The following MEIKIN variants were observed in gnomAD, a reference collection of about 807,000 sequenced individuals.
MEIKIN encodes meiosis-specific kinetochore protein.
chr5:131,819,765 ATTTTTTTTTTTTTTTTT>A (rs1167213249), intron 11 of MEIKIN, among the ~76,000 whole-genome samples: 1 of 64,576 alleles, frequency 1.5e-5, no homozygotes, highest in Admixed American at 1.9e-4. Flanking sequence ...ACATCCAGCT[ATTTTTTTTTTTTTTTTT>A]TTTTTTTTTT....
At chr5:131,901,605 C>T (rs1172264577) in intron 8 of MEIKIN, among the ~76,000 whole-genome samples, 1 of 152,150 alleles carries the variant, frequency 6.6e-6, no homozygotes, top group African/African-American at 2.4e-5. Context: ...GTGCTGTGAC[C>T]AGCAGTCTGG....
chr5:131,839,861 A>C (rs1408707593), intron 11 of MEIKIN, among the ~76,000 whole-genome samples: 1 of 152,168 alleles, frequency 6.6e-6, no homozygotes, highest in Admixed American at 6.5e-5. Context: ...CAAGGTTCAT[A>C]TTGAAATGTA....
At chr5:131,894,347 T>C (rs1017473381) in intron 8 of MEIKIN, among the ~76,000 whole-genome samples, 2 of 152,214 alleles carry the variant, frequency 1.3e-5, no homozygotes, top group African/African-American at 4.8e-5. Flanking sequence ...CCTCCAGCTT[T>C]GTTCTTTTGG....
intron 8 of MEIKIN, among the ~76,000 whole-genome samples, chr5:131,902,731 C>T (rs1751180174): frequency 6.6e-6 from 1 of 152,150 alleles, no homozygotes; most frequent in African/African-American, 2.4e-5. Context: ...TCTGGCAATT[C>T]AAAAAGCCAG....
At chr5:131,817,108 G>A (rs139631684) in intron 12 of MEIKIN, among the ~76,000 whole-genome samples, 240 of 152,274 alleles carry the variant, frequency 1.6e-3, no homozygotes, top group African/African-American at 5.5e-3. Context: ...CTTCTGGAGC[G>A]AGGACATCCA....
chr5:131,902,649 T>C (rs1204178044), intron 8 of MEIKIN, among the ~76,000 whole-genome samples: 1 of 152,002 alleles, frequency 6.6e-6, no homozygotes, highest in Non-Finnish European at 1.5e-5. Flanking sequence ...CAAAAATGAA[T>C]AATACAGACA....
intron 6 of MEIKIN, among the ~76,000 whole-genome samples, chr5:131,919,750 G>C (rs150330806): frequency 4.9e-4 from 74 of 152,232 alleles, no homozygotes; most frequent in African/African-American, 1.7e-3. Flanking sequence ...AAACTAAAAA[G>C]ACCAGTTATC....
intron 11 of MEIKIN, among the ~76,000 whole-genome samples, chr5:131,821,289 A>G (rs1029755460): frequency 1.3e-5 from 2 of 152,128 alleles, no homozygotes; most frequent in Non-Finnish European, 2.9e-5. Flanking sequence ...TTTAAATTCC[A>G]GGTGTTTGTA....
chr5:131,889,322 A>G (rs1465283932), intron 8 of MEIKIN, among the ~76,000 whole-genome samples: 1 of 152,114 alleles, frequency 6.6e-6, no homozygotes, highest in Non-Finnish European at 1.5e-5. Flanking sequence ...CTTTCATGAT[A>G]TTGATTCTTC....
chr5:131,854,971 AT>A, intron 9 of MEIKIN, 137 bp from the exon 10 acceptor site: 1 of 379,942 alleles, frequency 2.6e-6, no homozygotes, highest in Non-Finnish European at 4.7e-6. Flanking sequence ...TGTTCATTAA[AT>A]TTTAAACCAC....
intron 11 of MEIKIN, among the ~76,000 whole-genome samples, chr5:131,821,774 T>C (rs1749511523): frequency 6.6e-6 from 1 of 151,704 alleles, no homozygotes; most frequent in African/African-American, 2.4e-5. Context: ...GCCTTATGTA[T>C]AGCTGGTGCC....
At chr5:131,933,743 T>A in intron 4 of MEIKIN, 102 bp from the exon 5 acceptor site, 1 of 389,606 alleles carries the variant, frequency 2.6e-6, no homozygotes, top group East Asian at 3.6e-5. Flanking sequence ...TAGTTATATA[T>A]TATTACTAGA....
At chr5:131,840,716 C>G (rs1749890260) in intron 11 of MEIKIN, among the ~76,000 whole-genome samples, 1 of 152,164 alleles carries the variant, frequency 6.6e-6, no homozygotes, top group African/African-American at 2.4e-5. Context: ...ACATTCTTTT[C>G]TATACTGGCT....
In MEIKIN at chr5:131,882,535, G is replaced by T. The variant is rs2149629752; in HGVS notation, c.704-3487C>A. Among the ~76,000 whole-genome samples, 3 of 152,258 alleles carry T rather than the reference G, an allele frequency of 2.0e-5. No homozygotes were observed. In the Middle Eastern group the frequency reaches 0.01, roughly 518 times the overall value. On this transcript the variant is annotated intron_variant, in intron 8 of 12. Coordinates refer to ENST00000442687, the MANE Select transcript of MEIKIN (RefSeq NM_001303622.2). ...ATATCCTAAAATGGTAATGTCAGGT[G>T]TTGTAGCTACCGACCTATGGGGCTA...
intron 10 of MEIKIN, among the ~76,000 whole-genome samples, chr5:131,852,969 G>T (rs1750139536): frequency 6.6e-6 from 1 of 151,996 alleles, no homozygotes; most frequent in Admixed American, 6.6e-5. Flanking sequence ...TCATTTTCTG[G>T]AAAAAGTATT....
chr5:131,855,035 A>C (rs141358897), intron 9 of MEIKIN, among the ~76,000 whole-genome samples: 1 of 152,342 alleles, frequency 6.6e-6, no homozygotes, highest in Non-Finnish European at 1.5e-5. Context: ...ACAACATCCA[A>C]GAGAACTCTA....
intron 8 of MEIKIN, among the ~76,000 whole-genome samples, chr5:131,903,510 G>A (rs758518867): frequency 3.3e-5 from 5 of 152,100 alleles, no homozygotes; most frequent in Admixed American, 6.5e-5. Flanking sequence ...CATTATAAAA[G>A]AAAATAATTT....
At chr5:131,865,721 T>C (rs1470628030) in intron 9 of MEIKIN, among the ~76,000 whole-genome samples, 1 of 152,242 alleles carries the variant, frequency 6.6e-6, no homozygotes, top group African/African-American at 2.4e-5. Context: ...TGCATATGTG[T>C]TGGTAGGCTA....
At chr5:131,937,431 C>T (rs1328316297) in intron 4 of MEIKIN, among the ~76,000 whole-genome samples, 1 of 152,150 alleles carries the variant, frequency 6.6e-6, no homozygotes, top group Non-Finnish European at 1.5e-5. Flanking sequence ...CAAGTTTAAA[C>T]CATGCACAGG....
Sources: allele counts gnomAD v4.1 joint callset (sites outside exome capture counted in the v4.1 genomes callset), GRCh38; gene constraint gnomAD v4.1.1; transcripts MANE v1.5; gene names NCBI Gene and HGNC (gene_info 2026-07-23, HGNC 2026-07-21).